Variants in ENDOU observed in about 807,000 individuals in gnomAD.
The protein encoded by ENDOU is uridylate-specific endoribonuclease.
In ENDOU, 49 loss-of-function variants were observed where a neutral mutation model predicts 54.2. That is an observed-to-expected ratio of 0.90 (90% confidence interval 0.72 to 1.15). The LOEUF is 1.15. Among genes scored for constraint, ENDOU ranks in the 50% most tolerant of loss-of-function variants. The pLI is 0.00. For synonymous variants in ENDOU, 172 were observed against 190.5 expected (o/e 0.90, Z 0.80); for missense variants, 458 against 511.4 (o/e 0.90, Z 1.01).
At position 47,718,140 on chromosome 12, in the gene ENDOU, G is replaced by A. The variant is rs150837803; in HGVS notation, c.233C>T (p.Ala78Val). The change falls in exon 3 of 10, where the codon GCC becomes GTC. Residue 78 changes from alanine to valine, a missense_variant. Coordinates refer to ENST00000422538, the MANE Select transcript of ENDOU (RefSeq NM_001172439.2). Reference protein sequence around the residue: ...LPQLEEETEEALASNLYSAPT... With the variant: ...LPQLEEETEEVLASNLYSAPT... Reference sequence around the variant, plus strand: ...GGAGGCAGGCTCACTGCTGGCGAGGGCCTCTTCTGTCTCTTCCTCCAGCTG... The same window carrying A: ...GGAGGCAGGCTCACTGCTGGCGAGGACCTCTTCTGTCTCTTCCTCCAGCTG... The A allele has an allele frequency of 7.6e-6, 12 of 1,575,480 alleles. No homozygotes were observed. In the Admixed American group the frequency reaches 2.2e-4, roughly 29 times the overall value.
In ENDOU at chr12:47,710,778, G is replaced by A; in HGVS notation, c.*24C>T. The A allele has an allele frequency of 6.6e-7, 1 of 1,519,414 alleles. No individual in the cohort carries two copies. Among genetic ancestry groups the A allele is most frequent in the Non-Finnish European group, 9.1e-7 (1 of 1,093,382 alleles). The allele number at this position is 1,519,414 out of a possible 1,614,324, so 94.1% of individuals were successfully genotyped here. A position where few individuals can be genotyped will look rare whatever the true frequency, so the allele number is the denominator to read the frequency against. On this transcript the variant is annotated 3_prime_UTR_variant, in exon 10 of 10. Transcript: ENST00000422538. ...ACTTCAGTCTCGCAAGAGCCCTCAT[G>A]CCCCTTTCTGGCTCGAAGTTCTATT...
chr12:47,718,073 C>A (rs1312142271), intron 3 of ENDOU, 56 bp downstream of exon 3: 4 of 1,459,718 alleles, frequency 2.7e-6, no homozygotes, highest in Admixed American at 3.9e-5. Flanking sequence ...CTGCTTGTCA[C>A]CCTCATGTCC....
intron 7 of ENDOU, 45 bp from the exon 8 acceptor site, chr12:47,712,667 C>A (rs1171635085): frequency 2.1e-6 from 3 of 1,406,380 alleles, no homozygotes; most frequent in Non-Finnish European, 2.0e-6. Context: ...TCCTTCCCCA[C>A]CCTCCCCTCC....
At chr12:47,717,733 G>T (rs1940305702) in intron 3 of ENDOU, 78 bp from the exon 4 acceptor site, 2 of 1,484,238 alleles carry the variant, frequency 1.3e-6, no homozygotes, top group African/African-American at 1.4e-5. Flanking sequence ...TCGCTCCCTA[G>T]CCTGGCTGTC....
intron 3 of ENDOU, 167 bp downstream of exon 3, chr12:47,717,962 G>T: frequency 1.5e-6 from 1 of 664,858 alleles, no homozygotes; most frequent in Non-Finnish European, 2.5e-6. Flanking sequence ...CCCCAGGCTG[G>T]CTGAGCCCCC....
chr12:47,717,424 A>T, intron 4 of ENDOU, 94 bp downstream of exon 4: 2 of 1,395,352 alleles, frequency 1.4e-6, no homozygotes, highest in Admixed American at 4.0e-5. Flanking sequence ...GTTCTCAGAC[A>T]TTGCTGAAGC....
chr12:47,717,746 C>A lies in ENDOU; in HGVS notation c.245-91G>T, dbSNP rs1940306302. 3.0e-6 allele frequency: 4 copies of A among 1,355,094 alleles called. No individual in the cohort carries two copies. The South Asian group carries it at 5.2e-5, about 18-fold the overall frequency. 83.9% of individuals were successfully genotyped at this position (1,355,094 alleles called of 1,614,324 possible). A position where few individuals can be genotyped will look rare whatever the true frequency, so the allele number is the denominator to read the frequency against. On this transcript the variant is annotated intron_variant, in intron 3 of 9. Transcript: ENST00000422538. ...TGTCGCTCCCTAGCCTGGCTGTCTT[C>A]ACTCTGCCCAGTAAAGATCTCCAGG...
Position 47,720,807 on chromosome 12 carries a change from G to T in ENDOU, c.124C>A (p.Arg42Ser), listed in dbSNP as rs536969664. ...CAGTTCCCATGCCAGAGACACCGGC[G>T]GTCACACTGGCAGGCAGCGTCCCGG... ...FNRDAACQCD[R>S]RCLWHGNCCE... The change falls in exon 2 of 10, where the codon CGC becomes AGC. Residue 42 changes from arginine (R) to serine (S), a missense_variant. Physicochemically the swap from Arg to Ser is moderately radical, Grantham distance 110. Coordinates refer to ENST00000422538, the MANE Select transcript of ENDOU (RefSeq NM_001172439.2). 1.3e-6 allele frequency: 2 copies of T among 1,536,042 alleles called. No homozygotes were observed. The highest frequency in any genetic ancestry group is 1.7e-6 in the Non-Finnish European group (2 of 1,146,864).
chr12:47,716,882 G>A lies in ENDOU; in HGVS notation c.551+8C>T, dbSNP rs772618982. ...TAGGGGGTAGAAAGAGGAATTGTGGGAACTCACGGCTTTGGGCAGCGATCC... is the reference window on the plus strand; with the variant it reads ...TAGGGGGTAGAAAGAGGAATTGTGGAAACTCACGGCTTTGGGCAGCGATCC... On this transcript the variant is annotated splice_region_variant and intron_variant, in intron 5 of 9. Transcript: ENST00000422538. The A allele has an allele frequency of 6.2e-6, 10 of 1,613,692 alleles. No homozygotes were observed. Among genetic ancestry groups the A allele is most frequent in the Non-Finnish European group, 4.2e-6 (5 of 1,179,896 alleles).
At chr12:47,714,114 A>G (rs543764743) in intron 6 of ENDOU, among the ~76,000 whole-genome samples, 1 of 152,354 alleles carries the variant, frequency 6.6e-6, no homozygotes, top group South Asian at 2.1e-4. Flanking sequence ...AGTGCTTTCA[A>G]TGTAACACTG....
intron 6 of ENDOU, among the ~76,000 whole-genome samples, 177 bp downstream of exon 6, chr12:47,716,123 T>C (rs1158962310): frequency 2.6e-5 from 4 of 151,502 alleles, no homozygotes; most frequent in Non-Finnish European, 5.9e-5. Context: ...CCTGGTTGGG[T>C]TCCTAACCTC....
At chr12:47,711,140 T>C (rs1939985636) in intron 9 of ENDOU, among the ~76,000 whole-genome samples, 1 of 152,274 alleles carries the variant, frequency 6.6e-6, no homozygotes, top group Non-Finnish European at 1.5e-5. Context: ...TAAAGAATGC[T>C]GTTCCTCATC....
chr12:47,722,610 T>A (rs1488249266), intron 1 of ENDOU, among the ~76,000 whole-genome samples: 2 of 152,202 alleles, frequency 1.3e-5, no homozygotes, highest in African/African-American at 4.8e-5. Context: ...GCTGGAGCAG[T>A]CTTCCCTGTG....
intron 5 of ENDOU, 122 bp downstream of exon 5, chr12:47,716,768 A>C (rs1233062): frequency 0.85 from 842,697 of 987,754 alleles, 360,661 homozygotes; most frequent in East Asian, 0.94. Flanking sequence ...TCTCTGGAGA[A>C]CTATTTTTTT....
chr12:47,720,801 A>G lies in ENDOU; in HGVS notation c.130T>C (p.Cys44Arg). 6.5e-7 allele frequency: 1 copy of G among 1,536,124 alleles called. No homozygotes were observed. Among genetic ancestry groups the G allele is most frequent in the Non-Finnish European group, 8.7e-7 (1 of 1,146,884 alleles). Residue 44 changes from cysteine to arginine, a missense_variant, in exon 2 of 10, where the codon TGT (cysteine) becomes CGT (arginine). Cys to Arg is a radical substitution (Grantham distance 180). Transcript: ENST00000422538. ...TCACAGCAGTTCCCATGCCAGAGACACCGGCGGTCACACTGGCAGGCAGCG... is the reference window on the plus strand; with the variant it reads ...TCACAGCAGTTCCCATGCCAGAGACGCCGGCGGTCACACTGGCAGGCAGCG... ...RDAACQCDRR[C>R]LWHGNCCEDY...
chr12:47,715,774 A>C (rs942993374), intron 6 of ENDOU, among the ~76,000 whole-genome samples: 1 of 152,332 alleles, frequency 6.6e-6, no homozygotes, highest in South Asian at 2.1e-4. Context: ...AGGCTTTCCA[A>C]CCACAACTCT....
chr12:47,725,157 C>G (rs1166122727), intron 1 of ENDOU, among the ~76,000 whole-genome samples: 1 of 152,222 alleles, frequency 6.6e-6, no homozygotes, highest in African/African-American at 2.4e-5. Context: ...CCCTGCAACT[C>G]TCTCCACATA....
intron 1 of ENDOU, among the ~76,000 whole-genome samples, chr12:47,722,472 A>G (rs7976708): frequency 0.24 from 37,144 of 152,152 alleles, 5,113 homozygotes; most frequent in African/African-American, 0.39. Context: ...TAAGAATTAA[A>G]TGAGTTAATA....
intron 6 of ENDOU, among the ~76,000 whole-genome samples, chr12:47,715,932 C>G (rs1940209980): frequency 6.6e-6 from 1 of 152,070 alleles, no homozygotes; most frequent in African/African-American, 2.4e-5. Flanking sequence ...AAACATGGTG[C>G]TGACTCCAGG....
Sources: gnomAD v4.1 joint callset for allele counts (sites outside exome capture counted in the v4.1 genomes callset) on GRCh38, gnomAD v4.1.1 for gene constraint, MANE v1.5 for transcripts, NCBI Gene and HGNC (gene_info 2026-07-23, HGNC 2026-07-21) for gene names.